DISP1: variants seen among roughly 807,000 people sequenced by gnomAD.
DISP1 encodes the protein dispatched RND transporter family member 1.
Under a neutral mutation model 37.3 loss-of-function variants are expected in DISP1, and 30 were observed. The observed-to-expected ratio is 0.80, with a 90% CI of 0.60 to 1.09. DISP1 has a LOEUF of 1.09. DISP1 is among the 50% of genes least tolerant of loss of function. DISP1 has a pLI of 0.00. For synonymous variants in DISP1, 634 were observed against 690.2 expected, an observed-to-expected ratio of 0.92 and a Z score of 1.28; for missense variants, 1,598 against 1,879.5, an observed-to-expected ratio of 0.85 and a Z score of 2.77.
intron 1 of DISP1, among the ~76,000 whole-genome samples, chr1:222,860,476 A>G (rs576336930): frequency 6.6e-6 from 1 of 152,376 alleles, no homozygotes. Context: ...GGGAAGAAGA[A>G]TGCTACAGAA....
intron 1 of DISP1, among the ~76,000 whole-genome samples, chr1:222,830,152 C>T (rs990348097): frequency 6.6e-6 from 1 of 152,160 alleles, no homozygotes; most frequent in South Asian, 2.1e-4. Context: ...TGGTGTTTAT[C>T]ACTGACTTGA....
At chr1:222,881,641 T>C (rs879545139) in intron 1 of DISP1, among the ~76,000 whole-genome samples, 1 of 152,226 alleles carries the variant, frequency 6.6e-6, no homozygotes, top group Admixed American at 6.5e-5. Flanking sequence ...TGCTTGCAGC[T>C]TTATAATGGA....
intron 8 of DISP1, among the ~76,000 whole-genome samples, chr1:222,999,530 T>C (rs77234799): frequency 0.017 from 2,540 of 152,306 alleles, 64 homozygotes; most frequent in South Asian, 0.1. Flanking sequence ...TTTGGTACTT[T>C]CTCTGTAGGT....
At chr1:222,826,388 T>TG (rs1664413049) in intron 1 of DISP1, among the ~76,000 whole-genome samples, 1 of 148,598 alleles carries the variant, frequency 6.7e-6, no homozygotes, top group Non-Finnish European at 1.5e-5. Flanking sequence ...TTTTTTTTTT[T>TG]TTTTTTTTTT....
At chr1:222,843,568 G>T (rs1487170969) in intron 1 of DISP1, among the ~76,000 whole-genome samples, 1 of 151,306 alleles carries the variant, frequency 6.6e-6, no homozygotes, top group Non-Finnish European at 1.5e-5. Context: ...AAGGATGGGG[G>T]GGGGAAATTT....
At chr1:222,887,535 A>C in intron 1 of DISP1, among the ~76,000 whole-genome samples, 1 of 81,442 alleles carries the variant, frequency 1.2e-5, no homozygotes, top group Admixed American at 1.7e-4. Context: ...TCTGTTGCCC[A>C]GGCCGGACTG....
intron 1 of DISP1, among the ~76,000 whole-genome samples, chr1:222,822,782 A>G (rs1663267529): frequency 6.6e-6 from 1 of 152,180 alleles, no homozygotes. Context: ...TGATCATTAT[A>G]TTTGTTCCAT....
chr1:222,831,020 G>A (rs555234597), intron 1 of DISP1: 4 of 152,160 alleles, frequency 2.6e-5, no homozygotes, highest in South Asian at 2.1e-4. Context: ...TGTGACTGAT[G>A]GATCTTTTGG....
At chr1:222,977,342 CTTTTTTT>C (rs397982983) in intron 3 of DISP1, among the ~76,000 whole-genome samples, 5 of 113,916 alleles carry the variant, frequency 4.4e-5, no homozygotes, top group African/African-American at 1.0e-4. Context: ...TCAGCATATT[CTTTTTTT>C]TTTTTTTTTT....
chr1:222,831,945 G>A (rs1227790753), intron 1 of DISP1, among the ~76,000 whole-genome samples: 2 of 152,156 alleles, frequency 1.3e-5, no homozygotes, highest in Non-Finnish European at 2.9e-5. Flanking sequence ...AGTATCAGTT[G>A]TGTGCCAGGT....
At chr1:222,988,797 G>A (rs1233371644) in intron 4 of DISP1, among the ~76,000 whole-genome samples, 1 of 151,998 alleles carries the variant, frequency 6.6e-6, no homozygotes, top group African/African-American at 2.4e-5. Flanking sequence ...GGGACTACAG[G>A]CGTGTGCCAC....
At chr1:222,821,127 A>ACC (rs1662767741) in intron 1 of DISP1, among the ~76,000 whole-genome samples, 1 of 152,108 alleles carries the variant, frequency 6.6e-6, no homozygotes, top group Admixed American at 6.5e-5. Context: ...TTTTTGAATG[A>ACC]ACAATGCACC....
rs183145431 is a variant in DISP1 at position 222,989,549 on chromosome 1, G to A, written c.540-1076G>A. 2,992 of 985,388 alleles carry A rather than the reference G, an allele frequency of 3.0e-3. 7 individuals carry two copies. The highest frequency in any genetic ancestry group is 3.1e-3 in the Non-Finnish European group (2,567 of 829,920). The allele number at this position is 985,388 out of a possible 1,614,324, so 61.0% of individuals were successfully genotyped here. A position where few individuals can be genotyped will look rare whatever the true frequency, so the allele number is the denominator to read the frequency against. Reference sequence around the variant, plus strand: ...GGTAACAAATGAGGGTGTGGGAAGCGCATCTGGAAGAAAGGGCCCAGTGTT... The same window carrying A: ...GGTAACAAATGAGGGTGTGGGAAGCACATCTGGAAGAAAGGGCCCAGTGTT... On this transcript the variant is annotated intron_variant, in intron 4 of 8. Coordinates refer to ENST00000675850, the MANE Select transcript of DISP1 (RefSeq NM_001377229.1).
intron 1 of DISP1, among the ~76,000 whole-genome samples, chr1:222,868,916 T>C (rs1334372047): frequency 6.6e-6 from 1 of 152,194 alleles, no homozygotes; most frequent in Non-Finnish European, 1.5e-5. Flanking sequence ...AACTATATCA[T>C]ATTTGGCAGC....
At chr1:222,852,967 A>G (rs1668351086) in intron 1 of DISP1, among the ~76,000 whole-genome samples, 1 of 152,250 alleles carries the variant, frequency 6.6e-6, no homozygotes, top group African/African-American at 2.4e-5. Context: ...GTGTATATAT[A>G]CCAAATGTAT....
intron 3 of DISP1, among the ~76,000 whole-genome samples, chr1:222,982,448 A>T (rs1212688940): frequency 6.6e-6 from 1 of 152,202 alleles, no homozygotes; most frequent in Non-Finnish European, 1.5e-5. Context: ...GGAGATTGAG[A>T]CTTAGTTTGG....
chr1:222,943,335 A>C lies in DISP1; in HGVS notation c.509+3A>C, dbSNP rs1388619571. The C allele has an allele frequency of 6.2e-7, 1 of 1,614,146 alleles. No individual in the cohort carries two copies. The highest frequency in any genetic ancestry group is 1.3e-5 in the African/African-American group (1 of 74,950). On this transcript the variant is annotated splice_donor_region_variant and intron_variant, in intron 3 of 8. Coordinates refer to ENST00000675850, the MANE Select transcript of DISP1 (RefSeq NM_001377229.1). Reference sequence around the variant, plus strand: ...CAACAGCACATAGCCAACATAAGGTAAGTGATCCGAAAGTTTTGCTTTTAG... The same window carrying C: ...CAACAGCACATAGCCAACATAAGGTCAGTGATCCGAAAGTTTTGCTTTTAG...
intron 1 of DISP1, among the ~76,000 whole-genome samples, chr1:222,905,254 A>G (rs1671832524): frequency 6.6e-6 from 1 of 152,204 alleles, no homozygotes; most frequent in East Asian, 1.9e-4. Context: ...TCTCAGATGC[A>G]TATTAGTAAT....
At chr1:222,828,312 T>G (rs1664914696) in intron 1 of DISP1, among the ~76,000 whole-genome samples, 1 of 152,212 alleles carries the variant, frequency 6.6e-6, no homozygotes, top group Non-Finnish European at 1.5e-5. Flanking sequence ...TTGGAAGTTT[T>G]CTGTTCTATT....
Sources: allele counts gnomAD v4.1 joint callset (sites outside exome capture counted in the v4.1 genomes callset), GRCh38; gene constraint gnomAD v4.1.1; transcripts MANE v1.5; gene names NCBI Gene and HGNC (gene_info 2026-07-23, HGNC 2026-07-21).